The following TPO variants were observed in gnomAD, a reference collection of about 807,000 sequenced individuals.
The protein encoded by TPO is thyroid microsomal antigen.
In TPO, 78 loss-of-function variants were observed where a neutral mutation model predicts 96.9. That is an observed-to-expected ratio of 0.81 (90% CI 0.67 to 0.97). The LOEUF is 0.97. TPO is among the 50% of genes least tolerant of loss of function. The pLI, the probability that TPO is intolerant of heterozygous loss-of-function variation, is 0.00. For missense variants in TPO, 1,252 were observed against 1,274.8 expected (o/e 0.98, Z 0.27); for synonymous variants, 547 against 538.0 (o/e 1.02, Z -0.23).
intron 15 of TPO, among the ~76,000 whole-genome samples, chr2:1,530,021 C>G (rs1677702870): frequency 6.9e-6 from 1 of 145,294 alleles, no homozygotes. Flanking sequence ...TGTGTGCAAC[C>G]TCCCCAAATC....
At chr2:1,506,960 A>G (rs1182581995) in intron 14 of TPO, among the ~76,000 whole-genome samples, 3 of 152,020 alleles carry the variant, frequency 2.0e-5, no homozygotes, top group Admixed American at 6.6e-5. Context: ...GTCCTTGCCC[A>G]TGCCTATGTC....
chr2:1,400,235 G>A lies in TPO; in HGVS notation n.180+25833G>A, dbSNP rs183851355. 5.2e-4 allele frequency among the ~76,000 whole-genome samples: 79 copies of A among 152,328 alleles called. 2 individuals carry two copies. The East Asian group carries it at 0.012, about 23-fold the overall frequency. On this transcript the variant is annotated intron_variant and non_coding_transcript_variant, in intron 1 of 5. Transcript: ENST00000497517. ...AGGCCAGCTGCGGTGGCTCACGGCT[G>A]TAATCCCAGCACTTTGGGAGGCCGA...
intron 13 of TPO, 115 bp from the exon 14 acceptor site, chr2:1,503,833 G>A (rs1017554418): frequency 3.1e-6 from 5 of 1,587,524 alleles, no homozygotes; most frequent in Non-Finnish European, 3.4e-6. Flanking sequence ...CAGGTGGGAT[G>A]GCAGGCAAAG....
At chr2:1,509,049 T>A (rs941909664) in intron 14 of TPO, among the ~76,000 whole-genome samples, 1 of 152,238 alleles carries the variant, frequency 6.6e-6, no homozygotes, top group Admixed American at 6.5e-5. Context: ...CTCTACACAC[T>A]GCTTTGAATG....
rs116263615 is a variant in TPO, at chr2:1,478,407, G to T, written c.1338+803G>T. The T allele has an allele frequency of 3.0e-6, 3 of 984,398 alleles. No homozygotes were observed. In the East Asian group the frequency reaches 3.5e-4, roughly 115 times the overall value. 61.0% of individuals were successfully genotyped at this position (984,398 alleles called of 1,614,324 possible). On this transcript the variant is annotated intron_variant, in intron 8 of 16. Coordinates refer to ENST00000329066, the MANE Select transcript of TPO (RefSeq NM_001206744.2). ...AGTCCTAGCCGGGAGCCTGCAGGGA[G>T]GTGCGCGTCAGTCCTGTTCTAAAGG...
chr2:1,529,995 C>T (rs1309668037), intron 15 of TPO, among the ~76,000 whole-genome samples: 2 of 138,976 alleles, frequency 1.4e-5, no homozygotes, highest in African/African-American at 5.6e-5. Context: ...TGTGCAACCT[C>T]GCCCAATCAC....
intron 12 of TPO, 104 bp downstream of exon 12, chr2:1,496,301 T>C: frequency 2.1e-6 from 3 of 1,397,028 alleles, no homozygotes; most frequent in East Asian, 2.5e-5. Flanking sequence ...GTTTAGAAAA[T>C]AGTGTCAACG....
At chr2:1,509,009 T>C (rs1484222743) in intron 14 of TPO, among the ~76,000 whole-genome samples, 16 of 152,246 alleles carry the variant, frequency 1.1e-4, no homozygotes, top group Middle Eastern at 3.2e-3. Context: ...TCCTGCTTTC[T>C]CTTGTGGGCA....
intron 8 of TPO, among the ~76,000 whole-genome samples, chr2:1,480,456 G>A (rs1208971483): frequency 6.6e-6 from 1 of 151,774 alleles, no homozygotes; most frequent in African/African-American, 2.4e-5. Context: ...TTTGTAATCT[G>A]AATCTCTCTT....
chr2:1,476,398 A>G (rs1174335546), intron 7 of TPO, among the ~76,000 whole-genome samples: 2 of 152,168 alleles, frequency 1.3e-5, no homozygotes, highest in East Asian at 1.9e-4. Flanking sequence ...TAAATCTGGA[A>G]AAAATATTTT....
chr2:1,429,887 G>T (rs1394635731), intron 3 of TPO, among the ~76,000 whole-genome samples: 1 of 152,194 alleles, frequency 6.6e-6, no homozygotes, highest in African/African-American at 2.4e-5. Flanking sequence ...TTTGTATTTG[G>T]AAATTATATT....
Position 1,540,683 on chromosome 2 carries a change from G to A in TPO, c.2708G>A (p.Gly903Glu), listed in dbSNP as rs759692216. The change falls in exon 16 of 17, where the codon GGG becomes GAG. Residue 903 changes from glycine (G) to glutamate (E), a missense_variant. Coordinates refer to ENST00000329066, the MANE Select transcript of TPO (RefSeq NM_001206744.2). ...ELRCGKHQAV[G>E]TSPQRAAAQD... ...AGATGCGGAAAGCACCAGGCCGTAGGGACCTCACCGCAGCGGGCCGCAGCT... is the reference window on the plus strand; with the variant it reads ...AGATGCGGAAAGCACCAGGCCGTAGAGACCTCACCGCAGCGGGCCGCAGCT... 6.2e-7 allele frequency: 1 copy of A among 1,613,416 alleles called. No homozygotes were observed. Among genetic ancestry groups the A allele is most frequent in the South Asian group, 1.1e-5 (1 of 91,084 alleles).
intron 15 of TPO, among the ~76,000 whole-genome samples, chr2:1,534,856 C>T (rs1380173369): frequency 3.1e-4 from 44 of 141,514 alleles, no homozygotes; most frequent in African/African-American, 1.1e-3. Flanking sequence ...GTAACCCCCC[C>T]AAATCCCACC....
At chr2:1,493,530 AGT>A (rs1270157153) in intron 10 of TPO, among the ~76,000 whole-genome samples, 2 of 91,048 alleles carry the variant, frequency 2.2e-5, no homozygotes, top group Non-Finnish European at 5.1e-5. Context: ...ACTGCTGGGC[AGT>A]GTCACAGGGT....
At chr2:1,413,144 G>C (rs1218895844), upstream of TPO, among the ~76,000 whole-genome samples, 42 of 152,138 alleles carry the variant, frequency 2.8e-4, no homozygotes, top group Admixed American at 2.7e-3. Context: ...CTTTTTCACA[G>C]GGTATTTAAC....
rs2148707910 is a variant in TPO at position 1,484,864 on chromosome 2, T to C, written c.1597+10T>C. 1 of 1,613,402 alleles carries C rather than the reference T, an allele frequency of 6.2e-7. No homozygotes were observed. The highest frequency in any genetic ancestry group is 8.5e-7 in the Non-Finnish European group (1 of 1,180,020). ...ACATTACTCCGTGGAGGTGAGTGAGTGCGGTCCCTGCAGCTGGTCCCCATG... is the reference window on the plus strand; with the variant it reads ...ACATTACTCCGTGGAGGTGAGTGAGCGCGGTCCCTGCAGCTGGTCCCCATG... On this transcript the variant is annotated intron_variant, in intron 9 of 16. Coordinates refer to ENST00000329066, the MANE Select transcript of TPO (RefSeq NM_001206744.2).
chr2:1,529,718 ATCCCCCCACT>A (rs1677588903), intron 15 of TPO, among the ~76,000 whole-genome samples: 1 of 39,902 alleles, frequency 2.5e-5, no homozygotes. Flanking sequence ...ACCTCCTCAA[ATCCCCCCACT>A]GTGAGCAATC....
At chr2:1,448,494 G>A (rs1400944810) in intron 5 of TPO, among the ~76,000 whole-genome samples, 1 of 152,150 alleles carries the variant, frequency 6.6e-6, no homozygotes, top group African/African-American at 2.4e-5. Context: ...ACCTCGCAGG[G>A]TTGTTTCTGG....
intron 15 of TPO, among the ~76,000 whole-genome samples, chr2:1,539,330 T>TA (rs1680452809): frequency 6.6e-6 from 1 of 152,152 alleles, no homozygotes; most frequent in Non-Finnish European, 1.5e-5. Context: ...TTTATCCCAC[T>TA]TTACGAATGA....
Sources: allele counts gnomAD v4.1 joint callset (sites outside exome capture counted in the v4.1 genomes callset), GRCh38; gene constraint gnomAD v4.1.1; transcripts MANE v1.5; gene names NCBI Gene and HGNC (gene_info 2026-07-23, HGNC 2026-07-21).